PARP4: variants seen among roughly 807,000 people sequenced by gnomAD.
The protein encoded by PARP4 is protein mono-ADP-ribosyltransferase PARP4.
A neutral mutation model predicts 187.7 loss-of-function variants in PARP4; 120 were observed. The observed-to-expected ratio is 0.64, with a 90% CI of 0.55 to 0.74. The LOEUF is 0.74. PARP4 is among the 30% of genes least tolerant of loss of function. The probability of loss-of-function intolerance (pLI) is 0.00; values close to 1 mark genes in which losing one functional copy is unlikely to be tolerated. For synonymous variants in PARP4, 654 were observed against 740.9 expected (o/e 0.88, Z 1.90); for missense variants, 1,836 against 2,070.5 (o/e 0.89, Z 2.20).
chr13:24,483,208 C>T (rs113956580), intron 12 of PARP4, among the ~76,000 whole-genome samples: 7 of 151,542 alleles, frequency 4.6e-5, no homozygotes, highest in African/African-American at 1.2e-4. Flanking sequence ...TTTTTTTGGC[C>T]GGGCGCGGTG....
chr13:24,491,641 G>C (rs1868658544), intron 9 of PARP4, among the ~76,000 whole-genome samples: 1 of 152,200 alleles, frequency 6.6e-6, no homozygotes, highest in African/African-American at 2.4e-5. Context: ...TGCATGCACA[G>C]ATGAGGGAAC....
intron 1 of PARP4, 47 bp downstream of exon 1, chr13:24,512,659 G>C (rs1870084307): frequency 6.6e-6 from 1 of 152,542 alleles, no homozygotes; most frequent in Non-Finnish European, 1.5e-5. Context: ...TTCCTGGCTA[G>C]GACTACAGGG....
chr13:24,453,242 TTTTC>T (rs112689767), intron 23 of PARP4, among the ~76,000 whole-genome samples: 95 of 151,166 alleles, frequency 6.3e-4, no homozygotes, highest in African/African-American at 1.9e-3. Context: ...AGCATTTCTT[TTTTC>T]TTTCTTTCTT....
At chr13:24,464,192 G>C (rs1872343097) in intron 17 of PARP4, among the ~76,000 whole-genome samples, 1 of 152,164 alleles carries the variant, frequency 6.6e-6, no homozygotes, top group South Asian at 2.1e-4. Context: ...TGGATAGGAA[G>C]AATCAATATC....
At chr13:24,446,984 C>A (rs1180161744) in intron 26 of PARP4, 32 bp downstream of exon 26, 14 of 1,527,124 alleles carry the variant, frequency 9.2e-6, no homozygotes, top group Non-Finnish European at 1.2e-5. Context: ...TATTGGTCTT[C>A]CCATAGAATA....
chr13:24,501,340 T>C (rs183950470), intron 3 of PARP4, among the ~76,000 whole-genome samples: 2 of 152,204 alleles, frequency 1.3e-5, no homozygotes, highest in African/African-American at 4.8e-5. Flanking sequence ...AATCACTGTT[T>C]AACACAAAGG....
intron 33 of PARP4, among the ~76,000 whole-genome samples, chr13:24,426,213 C>A (rs1327837990): frequency 6.6e-6 from 1 of 152,100 alleles, no homozygotes; most frequent in Non-Finnish European, 1.5e-5. Flanking sequence ...ACATCCAGAG[C>A]CCAGAAGCGC....
At chr13:24,504,399 C>T (rs1418644129) in intron 1 of PARP4, among the ~76,000 whole-genome samples, 5 of 149,070 alleles carry the variant, frequency 3.4e-5, no homozygotes, top group African/African-American at 1.2e-4. Flanking sequence ...CTGCAACCTC[C>T]GCCTCCCTGG....
At chr13:24,482,058 T>C (rs2137517581) in intron 12 of PARP4, among the ~76,000 whole-genome samples, 2 of 152,344 alleles carry the variant, frequency 1.3e-5, no homozygotes, top group East Asian at 3.9e-4. Context: ...AAGTTTACTC[T>C]AACTATCTTG....
At chr13:24,499,496 C>A in intron 4 of PARP4, 120 bp from the exon 5 acceptor site, 1 of 745,428 alleles carries the variant, frequency 1.3e-6, no homozygotes. Flanking sequence ...TTACAAAACA[C>A]ATGGTAAGTC....
chr13:24,447,454 A>C (rs1361298457), intron 25 of PARP4, among the ~76,000 whole-genome samples: 3 of 152,152 alleles, frequency 2.0e-5, no homozygotes, highest in African/African-American at 7.2e-5. Context: ...TCCCCCTCCC[A>C]GGTTCAAGTG....
At chr13:24,424,576 T>G (rs1452958955) in intron 33 of PARP4, among the ~76,000 whole-genome samples, 1 of 152,104 alleles carries the variant, frequency 6.6e-6, no homozygotes, top group African/African-American at 2.4e-5. Flanking sequence ...AAATCAAAAG[T>G]ATTATTAACA....
intron 1 of PARP4, among the ~76,000 whole-genome samples, chr13:24,511,707 G>T (rs1011551619): frequency 6.6e-6 from 1 of 152,204 alleles, no homozygotes; most frequent in Non-Finnish European, 1.5e-5. Context: ...AAGTGTGTGA[G>T]TCAGCACACG....
Position 24,441,867 on chromosome 13 carries a change from G to C in PARP4, c.3645C>G (p.Pro1215=). The C allele has an allele frequency of 6.3e-7, 1 of 1,599,710 alleles. No homozygotes were observed. Among genetic ancestry groups the C allele is most frequent in the East Asian group, 2.2e-5 (1 of 44,510 alleles). Residue 1215 remains proline (P), a synonymous_variant, in exon 30 of 34, where the codon CCC becomes CCG. Transcript: ENST00000381989. ...FLPYMSWQGE[P]QEAVRNQSLL... ...TTACCTGGTTCCTGACGGCTTCTTGGGGCTCCCCCTGCCAGCTCATGTAGG... is the reference window on the plus strand; with the variant it reads ...TTACCTGGTTCCTGACGGCTTCTTGCGGCTCCCCCTGCCAGCTCATGTAGG...
intron 1 of PARP4, among the ~76,000 whole-genome samples, chr13:24,510,930 G>A (rs923609915): frequency 6.6e-6 from 1 of 152,030 alleles, no homozygotes; most frequent in Non-Finnish European, 1.5e-5. Context: ...TTAGTAGCTG[G>A]GACCACAGGC....
intron 19 of PARP4, 51 bp downstream of exon 19, chr13:24,459,213 C>A: frequency 6.3e-7 from 1 of 1,588,602 alleles, no homozygotes; most frequent in South Asian, 1.1e-5. Flanking sequence ...AAATTTAAAC[C>A]AGAAAACCAA....
At chr13:24,485,848 A>G (rs756262217) in intron 11 of PARP4, among the ~76,000 whole-genome samples, 4 of 152,134 alleles carry the variant, frequency 2.6e-5, no homozygotes, top group Non-Finnish European at 5.9e-5. Flanking sequence ...AAAATAATAA[A>G]TACATAATTT....
intron 27 of PARP4, 120 bp downstream of exon 27, chr13:24,446,561 G>C: frequency 1.5e-6 from 1 of 677,764 alleles, no homozygotes; most frequent in Non-Finnish European, 2.6e-6. Flanking sequence ...TTTGTATTGG[G>C]CTGCATTCAA....
intron 18 of PARP4, chr13:24,459,547 GCACA>G (rs1206368070): frequency 1.3e-5 from 3 of 232,948 alleles, no homozygotes; most frequent in African/African-American, 3.1e-5. Context: ...ACACACACAC[GCACA>G]CACACACACA....
Sources: gnomAD v4.1 joint callset for allele counts (sites outside exome capture counted in the v4.1 genomes callset) on GRCh38, gnomAD v4.1.1 for gene constraint, MANE v1.5 for transcripts, NCBI Gene and HGNC (gene_info 2026-07-23, HGNC 2026-07-21) for gene names.